ITPA: variants seen among roughly 807,000 people sequenced by gnomAD.
The protein encoded by ITPA is inosine triphosphatase.
A neutral mutation model predicts 29.6 loss-of-function variants in ITPA; 29 were observed. That is an observed-to-expected ratio of 0.98 (90% confidence interval 0.73 to 1.34). ITPA has a LOEUF of 1.34. ITPA is among the 40% of genes most tolerant of loss of function. ITPA has a pLI of 0.00. For synonymous variants in ITPA, 103 were observed against 99.3 expected (o/e 1.04, Z -0.22); for missense variants, 241 against 251.5 (o/e 0.96, Z 0.28).
chr20:3,206,950 G>A (rs1472434318), upstream of ITPA, among the ~76,000 whole-genome samples: 1 of 151,992 alleles, frequency 6.6e-6, no homozygotes, highest in Admixed American at 6.6e-5. Flanking sequence ...ATATGCAGAG[G>A]TTGCAGTGAG....
chr20:3,212,280 C>T (rs574345946), intron 1 of ITPA, among the ~76,000 whole-genome samples: 5 of 151,808 alleles, frequency 3.3e-5, no homozygotes, highest in African/African-American at 7.2e-5. Flanking sequence ...TTTATTAATG[C>T]ATTAAAGGAT....
chr20:3,222,221 C>CTT (rs1185986418), intron 7 of ITPA, among the ~76,000 whole-genome samples: 8 of 137,946 alleles, frequency 5.8e-5, no homozygotes, highest in African/African-American at 1.1e-4. Context: ...GTACATCTGA[C>CTT]TTTTTTTTTT....
Position 3,218,548 on chromosome 20 carries a change from C to G in ITPA, c.327C>G (p.Asp109Glu), listed in dbSNP as rs774873659. ...GLHQLLAGFE[D>E]KSAYALCTFA... ...ACCAGCTCCTGGCCGGGTTCGAGGA[C>G]AAGTCAGCCTATGCGCTCTGCACGT... The change falls in exon 6 of 8, where the codon GAC becomes GAG. Residue 109 changes from aspartate to glutamate, a missense_variant. By Grantham distance (45) the Asp-to-Glu change is conservative (BLOSUM62 2). Coordinates refer to ENST00000380113, the MANE Select transcript of ITPA (RefSeq NM_033453.4). The G allele has an allele frequency of 8.1e-6, 13 of 1,613,868 alleles. No individual in the cohort carries two copies. Among genetic ancestry groups the G allele is most frequent in the Non-Finnish European group, 1.7e-6 (2 of 1,180,044 alleles).
At chr20:3,204,811 A>G (rs1021952314), upstream of ITPA, 2 of 581,794 alleles carry the variant, frequency 3.4e-6, no homozygotes, top group Admixed American at 3.2e-5. Flanking sequence ...CCACAATGTT[A>G]AGAGGAAATT....
At chr20:3,211,771 C>G (rs550949733) in intron 1 of ITPA, among the ~76,000 whole-genome samples, 1 of 152,188 alleles carries the variant, frequency 6.6e-6, no homozygotes, top group Admixed American at 6.5e-5. Context: ...AGATTACATG[C>G]GTGAGCCACC....
chr20:3,220,831 C>T (rs761651106), intron 6 of ITPA, among the ~76,000 whole-genome samples: 1 of 152,112 alleles, frequency 6.6e-6, no homozygotes, highest in East Asian at 1.9e-4. Flanking sequence ...GCTGAGATTA[C>T]AGGCGTGAGC....
At position 3,219,276 on chromosome 20, in the gene ITPA, G is replaced by A. The variant is rs565464841; in HGVS notation, c.411+644G>A. Among the ~76,000 whole-genome samples the A allele has an allele frequency of 9.2e-5, 13 of 141,138 alleles. No homozygotes were observed. In the South Asian group the frequency reaches 2.4e-3, roughly 26 times the overall value. 92.6% of individuals were successfully genotyped at this position (141,138 alleles called of 152,430 possible). A position where few individuals can be genotyped will look rare whatever the true frequency, so the allele number is the denominator to read the frequency against. On this transcript the variant is annotated intron_variant, in intron 6 of 7. Coordinates refer to ENST00000380113, the MANE Select transcript of ITPA (RefSeq NM_033453.4). ...GGCTGGAGTGCAGTGGTGTCGTCTC[G>A]GCTCACTGCAACCTCCGCCTCCAGG...
At position 3,215,462 on chromosome 20, in the gene ITPA, G is replaced by A. The variant is rs536443862; in HGVS notation, c.295+150G>A. On this transcript the variant is annotated intron_variant, in intron 5 of 7. Coordinates refer to ENST00000380113, the MANE Select transcript of ITPA (RefSeq NM_033453.4). Reference sequence around the variant, plus strand: ...TCATTTTCCCCATCTAGCACCTGCAGCTCGTACCCTGTACTCCAGAGAGCA... The same window carrying A: ...TCATTTTCCCCATCTAGCACCTGCAACTCGTACCCTGTACTCCAGAGAGCA... 1.3e-4 allele frequency: 91 copies of A among 724,354 alleles called. No homozygotes were observed. In the African/African-American group the frequency reaches 1.5e-3, roughly 12 times the overall value. 44.9% of individuals were successfully genotyped at this position (724,354 alleles called of 1,614,324 possible).
chr20:3,222,965 C>T (rs1213774952), intron 7 of ITPA, among the ~76,000 whole-genome samples: 1 of 152,128 alleles, frequency 6.6e-6, no homozygotes, highest in Non-Finnish European at 1.5e-5. Context: ...GAGGTCGGGC[C>T]CCTGGCCAGC....
upstream of ITPA, among the ~76,000 whole-genome samples, chr20:3,208,446 G>A (rs1470696868): frequency 1.3e-5 from 2 of 152,186 alleles, no homozygotes; most frequent in Non-Finnish European, 2.9e-5. Context: ...CACGATCTCC[G>A]CTCACTGCAA....
At chr20:3,213,502 A>G (rs1243307816) in intron 3 of ITPA, 119 bp downstream of exon 3, 16 of 1,220,298 alleles carry the variant, frequency 1.3e-5, no homozygotes, top group Non-Finnish European at 1.9e-5. Context: ...ACCGGCCCAG[A>G]GTCCTCTAGG....
At chr20:3,209,218 TCTC>T (rs1377655259), upstream of ITPA, 4 of 411,910 alleles carry the variant, frequency 9.7e-6, no homozygotes, top group South Asian at 2.1e-5. The surrounding 1 kb of genome is among the most constrained non-coding windows in gnomAD (Gnocchi z 4.6). Context: ...GCTGCAGTCT[TCTC>T]CTTTCGGAGA....
intron 6 of ITPA, among the ~76,000 whole-genome samples, chr20:3,220,534 T>C (rs933374117): frequency 6.6e-6 from 1 of 152,016 alleles, no homozygotes; most frequent in East Asian, 1.9e-4. Context: ...CCACCTCCGT[T>C]GTATTTTTTA....
rs144812963 is a variant in ITPA at position 3,220,457 on chromosome 20, G to A, written c.412-1384G>A. On this transcript the variant is annotated intron_variant, in intron 6 of 7. Coordinates refer to ENST00000380113, the MANE Select transcript of ITPA (RefSeq NM_033453.4). ...TGGCCTTAGTCACGCAGCTCCTCAC[G>A]GCAGAAGCAGAATTTGCCTTTGGGT... Among the ~76,000 whole-genome samples the A allele has an allele frequency of 7.5e-3, 1,148 of 152,106 alleles. 15 individuals carry two copies. The highest frequency in any genetic ancestry group is 0.026 in the African/African-American group (1,073 of 41,450).
chr20:3,225,534 T>C (rs965924114), downstream of ITPA, among the ~76,000 whole-genome samples: 1 of 151,264 alleles, frequency 6.6e-6, no homozygotes, highest in Non-Finnish European at 1.5e-5. Flanking sequence ...CATGTGGGGG[T>C]TCCTGGAGGG....
At chr20:3,204,721 C>T (rs1310786973), upstream of ITPA, 6 of 1,242,692 alleles carry the variant, frequency 4.8e-6, no homozygotes, top group Admixed American at 2.3e-5. Flanking sequence ...CCGCCCACTA[C>T]TCGGAGCCCC....
At chr20:3,219,515 C>T (rs1000973553) in intron 6 of ITPA, among the ~76,000 whole-genome samples, 5 of 151,806 alleles carry the variant, frequency 3.3e-5, no homozygotes, top group African/African-American at 1.2e-4. Context: ...GAGGCTGAGG[C>T]GGGCGGATCA....
rs756210209 is a variant in ITPA at position 3,218,530 on chromosome 20, C to A, written c.309C>A (p.Leu103=). The A allele has an allele frequency of 6.2e-7, 1 of 1,613,844 alleles. No individual in the cohort carries two copies. The highest frequency in any genetic ancestry group is 1.3e-5 in the African/African-American group (1 of 75,046). The part of the protein sequence containing the change: ...EKLKPEGLHQ[L]LAGFEDKSAY... Reference sequence around the variant, plus strand: ...GCCCACCCGCAGGTCTCCACCAGCTCCTGGCCGGGTTCGAGGACAAGTCAG... The same window carrying A: ...GCCCACCCGCAGGTCTCCACCAGCTACTGGCCGGGTTCGAGGACAAGTCAG... Residue 103 remains leucine, a synonymous_variant, in exon 6 of 8, where the codon CTC becomes CTA. Coordinates refer to ENST00000380113, the MANE Select transcript of ITPA (RefSeq NM_033453.4).
downstream of ITPA, among the ~76,000 whole-genome samples, chr20:3,226,173 G>A (rs1024733834): frequency 2.6e-5 from 4 of 152,200 alleles, no homozygotes; most frequent in Admixed American, 6.5e-5. The surrounding 1 kb of genome is among the most constrained non-coding windows in gnomAD (Gnocchi z 4.4). Context: ...CCTCAGACTG[G>A]TGGGAAGTTA....
Sources: gnomAD v4.1 joint callset for allele counts (sites outside exome capture counted in the v4.1 genomes callset) on GRCh38, gnomAD v4.1.1 for gene constraint, Gnocchi (gnomAD v3.1) non-coding constraint, MANE v1.5 for transcripts, NCBI Gene and HGNC (gene_info 2026-07-23, HGNC 2026-07-21) for gene names.